Variants in KIAA1958 observed in about 807,000 individuals in gnomAD.
KIAA1958 encodes the protein KIAA1958.
A neutral mutation model predicts 47.2 loss-of-function variants in KIAA1958; 14 were observed. The observed-to-expected ratio is 0.30, with a 90% CI of 0.20 to 0.46. KIAA1958 has a LOEUF of 0.46. KIAA1958 is among the 20% of genes least tolerant of loss of function. The pLI is 1.00. For synonymous variants in KIAA1958, 354 were observed against 353.3 expected, an observed-to-expected ratio of 1.00 and a Z score of -0.02; for missense variants, 803 against 909.2, an observed-to-expected ratio of 0.88 and a Z score of 1.50.
At chr9:112,599,575 A>T (rs144019702) in intron 2 of KIAA1958, among the ~76,000 whole-genome samples, 1 of 152,328 alleles carries the variant, frequency 6.6e-6, no homozygotes, top group African/African-American at 2.4e-5. Flanking sequence ...TCTGTGCTGT[A>T]TACTAATGGA....
intron 2 of KIAA1958, among the ~76,000 whole-genome samples, chr9:112,578,477 A>G (rs1273179154): frequency 6.6e-6 from 1 of 152,152 alleles, no homozygotes; most frequent in Non-Finnish European, 1.5e-5. Context: ...AATACTGCGT[A>G]TCTTTAGATA....
chr9:112,629,755 A>G (rs927676198), intron 2 of KIAA1958, among the ~76,000 whole-genome samples: 12 of 152,134 alleles, frequency 7.9e-5, no homozygotes, highest in Non-Finnish European at 8.8e-5. Flanking sequence ...GTAATTTTCT[A>G]TTGTTTTTGA....
At chr9:112,614,879 T>C (rs1283282900) in intron 2 of KIAA1958, among the ~76,000 whole-genome samples, 1 of 152,194 alleles carries the variant, frequency 6.6e-6, no homozygotes, top group African/African-American at 2.4e-5. Flanking sequence ...CTCGGGACTG[T>C]GGCAGGTGAC....
chr9:112,606,054 A>G (rs567398000), intron 2 of KIAA1958, among the ~76,000 whole-genome samples: 1 of 152,308 alleles, frequency 6.6e-6, no homozygotes, highest in East Asian at 1.9e-4. Context: ...CCTGACATGT[A>G]TCAGTTACTC....
chr9:112,539,648 A>T (rs573495074), intron 1 of KIAA1958, among the ~76,000 whole-genome samples: 22 of 152,188 alleles, frequency 1.4e-4, no homozygotes, highest in Non-Finnish European at 2.9e-4. Flanking sequence ...ATTTATAAAA[A>T]ACCATTGAAT....
At chr9:112,561,900 G>C (rs1186271605) in intron 1 of KIAA1958, among the ~76,000 whole-genome samples, 2 of 152,316 alleles carry the variant, frequency 1.3e-5, no homozygotes, top group South Asian at 2.1e-4. Context: ...TTGATGGATT[G>C]ATGGTTCAGA....
At chr9:112,588,154 A>G (rs892574908) in intron 2 of KIAA1958, among the ~76,000 whole-genome samples, 10 of 152,204 alleles carry the variant, frequency 6.6e-5, no homozygotes, top group African/African-American at 2.4e-4. Context: ...TTTACTCTTA[A>G]TAACTAACCC....
intron 2 of KIAA1958, among the ~76,000 whole-genome samples, chr9:112,636,833 T>A (rs986416443): frequency 5.9e-5 from 9 of 152,146 alleles, no homozygotes; most frequent in Non-Finnish European, 1.2e-4. Flanking sequence ...CCTGACAACA[T>A]TTATCTTTTA....
chr9:112,576,735 T>C (rs934203050), intron 2 of KIAA1958, among the ~76,000 whole-genome samples: 4 of 152,218 alleles, frequency 2.6e-5, no homozygotes, highest in African/African-American at 9.6e-5. Flanking sequence ...TTATTTTTCC[T>C]TTCATCAGTT....
chr9:112,633,848 A>G (rs892533910), intron 2 of KIAA1958, among the ~76,000 whole-genome samples: 14 of 152,222 alleles, frequency 9.2e-5, no homozygotes, highest in African/African-American at 3.1e-4. Context: ...TAAATATTTT[A>G]TAATTTTATA....
At chr9:112,575,394 C>T in intron 2 of KIAA1958, 143 bp downstream of exon 2, 2 of 588,282 alleles carry the variant, frequency 3.4e-6, no homozygotes, top group Non-Finnish European at 5.8e-6. Context: ...GACTGTGTTA[C>T]ATCCAGGTGA....
At chr9:112,550,737 A>C (rs1316040938) in intron 1 of KIAA1958, among the ~76,000 whole-genome samples, 1 of 152,154 alleles carries the variant, frequency 6.6e-6, no homozygotes, top group Non-Finnish European at 1.5e-5. Flanking sequence ...AGGGAAGCTC[A>C]CCCAACCCAG....
chr9:112,646,774 A>C (rs1836982026), intron 3 of KIAA1958, among the ~76,000 whole-genome samples: 1 of 152,086 alleles, frequency 6.6e-6, no homozygotes, highest in African/African-American at 2.4e-5. Context: ...AAACTGAAAA[A>C]CTCATCCAAC....
At chr9:112,503,111 G>A (rs1431876130) in intron 1 of KIAA1958, among the ~76,000 whole-genome samples, 1 of 152,098 alleles carries the variant, frequency 6.6e-6, no homozygotes, top group Non-Finnish European at 1.5e-5. Flanking sequence ...AACATGTAAG[G>A]GATAAGTGCT....
intron 1 of KIAA1958, among the ~76,000 whole-genome samples, chr9:112,487,426 C>G (rs1306972428): frequency 2.0e-5 from 3 of 151,898 alleles, no homozygotes; most frequent in African/African-American, 7.2e-5. Flanking sequence ...CGGGTCTCAG[C>G]GGCGGCTGCA....
intron 2 of KIAA1958, among the ~76,000 whole-genome samples, chr9:112,619,492 C>T (rs1422913624): frequency 1.3e-5 from 2 of 152,130 alleles, no homozygotes; most frequent in Non-Finnish European, 2.9e-5. Context: ...AGAGTTTTAG[C>T]TCCTGTGCCT....
chr9:112,499,909 C>G (rs1424703115), intron 1 of KIAA1958, among the ~76,000 whole-genome samples: 2 of 151,814 alleles, frequency 1.3e-5, no homozygotes, highest in Admixed American at 6.6e-5. Context: ...AGGATGGTCT[C>G]TATCTCCTGA....
intron 1 of KIAA1958, among the ~76,000 whole-genome samples, chr9:112,570,992 C>T (rs1306892054): frequency 2.0e-5 from 3 of 152,140 alleles, no homozygotes; most frequent in Non-Finnish European, 4.4e-5. Flanking sequence ...TCCAAGGCAG[C>T]GAAAAAGAAG....
intron 1 of KIAA1958, among the ~76,000 whole-genome samples, chr9:112,542,398 A>G (rs1834958931): frequency 6.6e-6 from 1 of 152,196 alleles, no homozygotes; most frequent in African/African-American, 2.4e-5. Context: ...TCATGAATAT[A>G]TTCATAAAGA....
Sources: gnomAD v4.1 joint callset for allele counts (sites outside exome capture counted in the v4.1 genomes callset) on GRCh38, gnomAD v4.1.1 for gene constraint, MANE v1.5 for transcripts, NCBI Gene and HGNC (gene_info 2026-07-23, HGNC 2026-07-21) for gene names.